Variants in NCOR2 observed in about 807,000 individuals in gnomAD.
NCOR2 encodes nuclear receptor corepressor 2, also known as CTG repeat protein 26.
In NCOR2, 81 loss-of-function variants were observed where a neutral mutation model predicts 262.9. The observed-to-expected ratio is 0.31, with a 90% CI of 0.26 to 0.37. NCOR2 has a LOEUF of 0.37. Among genes scored for constraint, NCOR2 ranks in the 10% least tolerant of loss-of-function variants. The pLI is 1.00. For missense variants in NCOR2, 3,385 were observed against 3,621.4 expected, an observed-to-expected ratio of 0.93 and a Z score of 1.68; for synonymous variants, 1,659 against 1,559.3, an observed-to-expected ratio of 1.06 and a Z score of -1.51.
intron 14 of NCOR2, among the ~76,000 whole-genome samples, chr12:124,400,896 C>T (rs917412343): frequency 1.3e-5 from 2 of 152,154 alleles, no homozygotes; most frequent in South Asian, 2.1e-4. Flanking sequence ...CAGGACAACA[C>T]CATGCTATTT....
At chr12:124,567,600 C>CGGCGGCGGT (rs1340560111), upstream of NCOR2, 8 of 132,218 alleles carry the variant, frequency 6.1e-5, no homozygotes, top group African/African-American at 2.1e-4. Flanking sequence ...CCGGCGGCCG[C>CGGCGGCGGT]GGCGGCGGTG....
At chr12:124,519,869 G>T (rs774615488) in intron 1 of NCOR2, among the ~76,000 whole-genome samples, 14 of 149,502 alleles carry the variant, frequency 9.4e-5, no homozygotes, top group Admixed American at 7.9e-4. Flanking sequence ...CAGGAGGCTG[G>T]CCCAGAGAGG....
chr12:124,559,209 G>A (rs1474141566), intron 1 of NCOR2, among the ~76,000 whole-genome samples: 1 of 152,220 alleles, frequency 6.6e-6, no homozygotes, highest in Non-Finnish European at 1.5e-5. Flanking sequence ...GCCAGCAGGA[G>A]AAGCAGGGGA....
chr12:124,395,548 A>G (rs2041598307), intron 16 of NCOR2, among the ~76,000 whole-genome samples: 2 of 152,184 alleles, frequency 1.3e-5, no homozygotes, highest in African/African-American at 4.8e-5. Context: ...CACTGTCATC[A>G]CTGAGGACCC....
intron 20 of NCOR2, among the ~76,000 whole-genome samples, chr12:124,366,648 A>G (rs2039060407): frequency 6.6e-6 from 1 of 152,108 alleles, no homozygotes; most frequent in Admixed American, 6.5e-5. Context: ...CTGAAGCTAA[A>G]GGCACACATC....
intron 17 of NCOR2, chr12:124,383,414 G>A (rs1257477781): frequency 9.4e-6 from 4 of 423,290 alleles, no homozygotes; most frequent in Non-Finnish European, 1.5e-5. Context: ...GTTCGTCCAC[G>A]CCAGCGGCTT....
chr12:124,339,892 T>G, intron 37 of NCOR2, 114 bp downstream of exon 39: 1 of 672,812 alleles, frequency 1.5e-6, no homozygotes, highest in Non-Finnish European at 2.4e-6. Context: ...CCCACACATC[T>G]GCCCACCCAC....
At chr12:124,334,988 C>T in intron 40 of NCOR2, 147 bp downstream of exon 42, 1 of 1,239,658 alleles carries the variant, frequency 8.1e-7, no homozygotes, top group Non-Finnish European at 1.2e-6. Flanking sequence ...TCACCCTCAC[C>T]CACGCCCTGG....
chr12:124,549,712 G>A lies in NCOR2; in HGVS notation c.-164-14101C>T, dbSNP rs562824702. Among the ~76,000 whole-genome samples the A allele has an allele frequency of 4.5e-4, 68 of 152,260 alleles. No homozygotes were observed. Among genetic ancestry groups the A allele is most frequent in the African/African-American group, 1.5e-3 (62 of 41,536 alleles). On this transcript the variant is annotated intron_variant, in intron 1 of 32. Transcript: ENST00000458234. This position sits in a 1 kb window ranked among gnomAD's most constrained non-coding sequence, Gnocchi z 4.4. ...CCGAGGCCCAGAAAGAAAACAGCCC[G>A]CCTGAAGGTGACAGAGCGCCTCGCC...
chr12:124,470,481 T>A (rs901929603), intron 4 of NCOR2, among the ~76,000 whole-genome samples: 8 of 152,002 alleles, frequency 5.3e-5, no homozygotes, highest in Non-Finnish European at 1.2e-4. Context: ...AAAGGAGGCA[T>A]CTCCATACAA....
rs2048948843 is a variant in NCOR2 at position 124,504,660 on chromosome 12, G to C, written c.-117-9292C>G. Among the ~76,000 whole-genome samples, 1 of 152,238 alleles carries C rather than the reference G, an allele frequency of 6.6e-6. No individual in the cohort carries two copies. The highest frequency in any genetic ancestry group is 1.5e-5 in the Non-Finnish European group (1 of 68,050). On this transcript the variant is annotated intron_variant, in intron 1 of 46. Transcript: ENST00000404621. This position sits in a 1 kb window ranked among gnomAD's most constrained non-coding sequence, Gnocchi z 4.5. ...AATGTCCATCTACTGACAAACAGAT[G>C]AAACAAACGCAGTCTGTCCATCAAT...
At chr12:124,521,128 C>T (rs1053317654) in intron 1 of NCOR2, among the ~76,000 whole-genome samples, 11 of 152,228 alleles carry the variant, frequency 7.2e-5, no homozygotes, top group Admixed American at 1.3e-4. Context: ...GGGGCCAGAA[C>T]TCTGAGGACC....
intron 7 of NCOR2, among the ~76,000 whole-genome samples, chr12:124,439,866 AAAGG>A (rs1477496452): frequency 1.3e-5 from 2 of 151,366 alleles, no homozygotes; most frequent in Non-Finnish European, 2.9e-5. Context: ...AGACCCGAAG[AAAGG>A]GGACAGGGAC....
intron 17 of NCOR2, among the ~76,000 whole-genome samples, chr12:124,380,395 C>T (rs1168975582): frequency 6.6e-5 from 10 of 152,214 alleles, no homozygotes; most frequent in South Asian, 2.1e-4. Flanking sequence ...TCACAGTTTC[C>T]GACACCAACA....
Position 124,348,160 on chromosome 12 carries a change from C to T in NCOR2, c.3985+14G>A. 6.2e-7 allele frequency: 1 copy of T among 1,608,804 alleles called. No individual in the cohort carries two copies. The highest frequency in any genetic ancestry group is 8.5e-7 in the Non-Finnish European group (1 of 1,179,998). ...AGGGGGCACCGAGAGATGAAGTCTCCTCCCTGCTATCACCTTCGATGCTGG... is the reference window on the plus strand; with the variant it reads ...AGGGGGCACCGAGAGATGAAGTCTCTTCCCTGCTATCACCTTCGATGCTGG... On this transcript the variant is annotated intron_variant, in intron 29 of 46. Transcript: ENST00000405201.
chr12:124,427,644 G>A (rs1381437169), intron 10 of NCOR2, among the ~76,000 whole-genome samples: 1 of 152,204 alleles, frequency 6.6e-6, no homozygotes, highest in Non-Finnish European at 1.5e-5. Flanking sequence ...CCCGGGGTGG[G>A]AGAGAATCCC....
At chr12:124,519,961 C>T (rs1416498735) in intron 1 of NCOR2, among the ~76,000 whole-genome samples, 3 of 152,212 alleles carry the variant, frequency 2.0e-5, no homozygotes, top group South Asian at 2.1e-4. Context: ...CCGCTATCCA[C>T]GTGGTAATTC....
chr12:124,476,504 C>CT (rs1413506807), intron 3 of NCOR2, among the ~76,000 whole-genome samples: 1 of 152,208 alleles, frequency 6.6e-6, no homozygotes, highest in East Asian at 1.9e-4. Flanking sequence ...CCCTAAAACT[C>CT]TGAGAGCAAA....
chr12:124,493,329 G>A (rs151219592), intron 1 of NCOR2, among the ~76,000 whole-genome samples: 9 of 152,332 alleles, frequency 5.9e-5, no homozygotes, highest in South Asian at 2.1e-4. Flanking sequence ...GGGCAGGCAG[G>A]TTCCCCTCTG....
Sources: allele counts gnomAD v4.1 joint callset (sites outside exome capture counted in the v4.1 genomes callset), GRCh38; gene constraint gnomAD v4.1.1; non-coding constraint Gnocchi (gnomAD v3.1); transcripts MANE v1.5; gene names NCBI Gene and HGNC (gene_info 2026-07-23, HGNC 2026-07-21).